HTR1F: variants seen among roughly 807,000 people sequenced by gnomAD.
HTR1F encodes 5-hydroxytryptamine (serotonin) receptor 1F, G protein-coupled.
Under a neutral mutation model 24.0 loss-of-function variants are expected in HTR1F, and 17 were observed. That is an observed-to-expected ratio of 0.71 (90% confidence interval 0.48 to 1.06). The LOEUF (loss-of-function observed/expected upper bound fraction) is 1.06, where lower values mean the gene tolerates loss of function less well. Among genes scored for constraint, HTR1F ranks in the 50% least tolerant of loss-of-function variants. The pLI is 0.00. For synonymous variants in HTR1F, 186 were observed against 156.8 expected, an observed-to-expected ratio of 1.19 and a Z score of -1.39; for missense variants, 391 against 427.8, an observed-to-expected ratio of 0.91 and a Z score of 0.76.
intron 1 of HTR1F, among the ~76,000 whole-genome samples, chr3:87,795,231 G>A (rs912851525): frequency 5.3e-5 from 8 of 152,066 alleles, no homozygotes; most frequent in South Asian, 4.1e-4. Context: ...TGATCTGCCC[G>A]CTTTGGCCTT....
chr3:87,854,929 T>C (rs1440160819), intron 2 of HTR1F, among the ~76,000 whole-genome samples: 3 of 152,066 alleles, frequency 2.0e-5, no homozygotes, highest in African/African-American at 7.2e-5. Flanking sequence ...TTTGTTGTTG[T>C]TGTTGTTGCT....
At chr3:87,823,587 TCATTGCAGCTTC>T (rs1704403460) in intron 2 of HTR1F, among the ~76,000 whole-genome samples, 1 of 149,718 alleles carries the variant, frequency 6.7e-6, no homozygotes, top group Non-Finnish European at 1.5e-5. Context: ...CAGTCACAGC[TCATTGCAGCTTC>T]CACCTCCCAG....
chr3:87,979,275 C>T (rs1705490126), intron 2 of HTR1F, among the ~76,000 whole-genome samples: 1 of 151,964 alleles, frequency 6.6e-6, no homozygotes. Context: ...CCAGGACCTC[C>T]TTCCAATCCA....
chr3:87,851,852 A>G (rs1213539978), intron 2 of HTR1F, among the ~76,000 whole-genome samples: 1 of 151,450 alleles, frequency 6.6e-6, no homozygotes, highest in Non-Finnish European at 1.5e-5. Flanking sequence ...CTTATATATG[A>G]TGTTACATTA....
At chr3:87,869,454 T>TAGATAGATGATAGATAGATAGATAGATA (rs113301497) in intron 2 of HTR1F, among the ~76,000 whole-genome samples, 4 of 124,772 alleles carry the variant, frequency 3.2e-5, no homozygotes, top group African/African-American at 1.4e-4. Flanking sequence ...GATAGATAGA[T>TAGATAGATGATAGATAGATAGATAGATA]GATAGATAGA....
At chr3:87,861,983 T>A (rs866536080) in intron 2 of HTR1F, among the ~76,000 whole-genome samples, 4 of 152,162 alleles carry the variant, frequency 2.6e-5, no homozygotes, top group Admixed American at 6.5e-5. Flanking sequence ...TTTAAATATG[T>A]TATAAATCCC....
In HTR1F at chr3:87,798,430, C is replaced by G. The variant is rs544189344; in HGVS notation, c.-160+5588C>G. The stretch of plus-strand genomic sequence containing the variant: ...TCTTTTAACCACCTGCAACTTGAGC[C>G]TCTTCTGTATTTCATGACTTTGTTA... On this transcript the variant is annotated intron_variant, in intron 1 of 2. Coordinates refer to ENST00000319595, the MANE Select transcript of HTR1F (RefSeq NM_001322209.2). Among the ~76,000 whole-genome samples the G allele has an allele frequency of 1.2e-4, 18 of 152,154 alleles. 1 individual carries two copies. The South Asian group carries it at 3.7e-3, about 32-fold the overall frequency.
At chr3:87,916,544 C>A (rs112465767) in intron 2 of HTR1F, among the ~76,000 whole-genome samples, 4,913 of 151,970 alleles carry the variant, frequency 0.032, 245 homozygotes, top group African/African-American at 0.11. Context: ...AAACACATTT[C>A]ATGGACATGA....
chr3:87,933,381 G>A (rs1704331584), intron 2 of HTR1F, among the ~76,000 whole-genome samples: 1 of 151,930 alleles, frequency 6.6e-6, no homozygotes, highest in African/African-American at 2.4e-5. Context: ...AGGAAATAAA[G>A]GGTATTCAAT....
chr3:87,863,759 C>T (rs1705366407), intron 2 of HTR1F, among the ~76,000 whole-genome samples: 1 of 152,102 alleles, frequency 6.6e-6, no homozygotes, highest in South Asian at 2.1e-4. Context: ...CAGCCCACTG[C>T]CAGTACAAAA....
intron 1 of HTR1F, among the ~76,000 whole-genome samples, chr3:87,798,350 G>A (rs560532859): frequency 5.9e-5 from 9 of 151,910 alleles, no homozygotes; most frequent in Non-Finnish European, 8.8e-5. Context: ...CACCCTCTCT[G>A]CTCTGGGTCC....
intron 2 of HTR1F, among the ~76,000 whole-genome samples, chr3:87,870,989 G>GAA (rs35317346): frequency 0.15 from 19,981 of 134,956 alleles, 1,590 homozygotes; most frequent in African/African-American, 0.22. Flanking sequence ...CCAAATCTCA[G>GAA]AAAAAAAAAA....
At chr3:87,905,288 GC>G (rs1413944025) in intron 2 of HTR1F, among the ~76,000 whole-genome samples, 4 of 151,554 alleles carry the variant, frequency 2.6e-5, no homozygotes, top group African/African-American at 9.7e-5. Flanking sequence ...TCTAGCTTGG[GC>G]AACAGAGTGA....
chr3:87,859,981 A>C (rs1705281837), intron 2 of HTR1F, among the ~76,000 whole-genome samples: 1 of 152,224 alleles, frequency 6.6e-6, no homozygotes, highest in East Asian at 1.9e-4. Context: ...AAAATAAAAA[A>C]CAATAATAAC....
chr3:87,957,397 G>C (rs1163323662), intron 2 of HTR1F, among the ~76,000 whole-genome samples: 8 of 151,320 alleles, frequency 5.3e-5, no homozygotes. Context: ...TTCACGGAGA[G>C]AGTGGGTCTT....
At chr3:87,950,959 C>T (rs1335766471) in intron 2 of HTR1F, among the ~76,000 whole-genome samples, 1 of 151,924 alleles carries the variant, frequency 6.6e-6, no homozygotes, top group East Asian at 1.9e-4. Context: ...AAATGCATCT[C>T]CTCTCCTTCT....
intron 2 of HTR1F, among the ~76,000 whole-genome samples, chr3:87,830,614 T>A (rs6551508): frequency 0.067 from 10,270 of 152,272 alleles, 1,118 homozygotes; most frequent in African/African-American, 0.23. Flanking sequence ...ATCTTGAAAT[T>A]AGTGGCAGCA....
At chr3:87,939,761 T>TTGATTAGTC (rs1704519172) in intron 2 of HTR1F, among the ~76,000 whole-genome samples, 2 of 152,246 alleles carry the variant, frequency 1.3e-5, no homozygotes, top group South Asian at 4.1e-4. Context: ...TCTTTTCTTC[T>TTGATTAGTC]TGATTAGTCT....
chr3:87,821,196 T>C (rs1455226388), intron 1 of HTR1F, among the ~76,000 whole-genome samples: 1 of 152,130 alleles, frequency 6.6e-6, no homozygotes, highest in African/African-American at 2.4e-5. Flanking sequence ...GATCCATAAG[T>C]TTTTCTGCAC....
Sources: allele counts gnomAD v4.1 joint callset (sites outside exome capture counted in the v4.1 genomes callset), GRCh38; gene constraint gnomAD v4.1.1; transcripts MANE v1.5; gene names NCBI Gene and HGNC (gene_info 2026-07-23, HGNC 2026-07-21).